MYH6: variants seen among roughly 807,000 people sequenced by gnomAD.
The protein encoded by MYH6 is myosin-6.
Under a neutral mutation model 223.2 loss-of-function variants are expected in MYH6, and 126 were observed. That is an observed-to-expected ratio of 0.56 (90% CI 0.49 to 0.65). MYH6 has a LOEUF of 0.65. Ranked by LOEUF, MYH6 falls within the 30% of genes least tolerant of loss-of-function variation. The pLI, the probability that MYH6 is intolerant of heterozygous loss-of-function variation, is 0.00. For synonymous variants in MYH6, 978 were observed against 1,010.2 expected (o/e 0.97, Z 0.61); for missense variants, 2,040 against 2,536.4 (o/e 0.80, Z 4.20).
At chr14:23,387,060 G>C (rs1275703479) in intron 32 of MYH6, among the ~76,000 whole-genome samples, 1 of 152,176 alleles carries the variant, frequency 6.6e-6, no homozygotes, top group Non-Finnish European at 1.5e-5. Flanking sequence ...TATATTAAGT[G>C]CTTAAATGTG....
chr14:23,389,112 A>C (rs1891144215), intron 28 of MYH6, 57 bp from the exon 29 acceptor site: 1 of 1,531,176 alleles, frequency 6.5e-7, no homozygotes, highest in African/African-American at 1.4e-5. Flanking sequence ...CCCATTCTCT[A>C]GATTCTCTTC....
chr14:23,393,597 A>G (rs1891303458), intron 22 of MYH6, 69 bp downstream of exon 22: 1 of 1,614,104 alleles, frequency 6.2e-7, no homozygotes, highest in Non-Finnish European at 8.5e-7. Flanking sequence ...CATGCCAAGG[A>G]CCAGGACAAC....
In MYH6 at chr14:23,393,366, G is replaced by A; in HGVS notation, c.3081C>T (p.Val1027=). 6.2e-7 allele frequency: 1 copy of A among 1,614,188 alleles called. No individual in the cohort carries two copies. The highest frequency in any genetic ancestry group is 8.5e-7 in the Non-Finnish European group (1 of 1,180,032). The change falls in exon 23 of 39, where the codon GTC becomes GTT. Residue 1027 remains valine (V), a synonymous_variant. Coordinates refer to ENST00000405093, the MANE Select transcript of MYH6 (RefSeq NM_002471.4). Reference sequence around the variant, plus strand: ...CATCATCCACCTGCTGCTCCAGCTTGACCTTAGACTTGGACAGGCTGTTGA... The same window carrying A: ...CATCATCCACCTGCTGCTCCAGCTTAACCTTAGACTTGGACAGGCTGTTGA... ...DKVNSLSKSK[V]KLEQQVDDLE...
At chr14:23,383,996 A>G (rs1890938367) in intron 36 of MYH6, among the ~76,000 whole-genome samples, 2 of 152,148 alleles carry the variant, frequency 1.3e-5, no homozygotes, top group Admixed American at 6.5e-5. Flanking sequence ...CCAAGGGCAC[A>G]GCTCTCAGCT....
chr14:23,403,652 GC>G, intron 9 of MYH6, 62 bp downstream of exon 9: 2 of 1,477,318 alleles, frequency 1.4e-6, no homozygotes, highest in East Asian at 2.3e-5. Context: ...GAGACTGGCC[GC>G]CAGGCAGGGA....
In MYH6 at chr14:23,405,640, G is replaced by T; in HGVS notation, c.332C>A (p.Ala111Asp). The T allele has an allele frequency of 6.2e-7, 1 of 1,614,164 alleles. No individual in the cohort carries two copies. Among genetic ancestry groups the T allele is most frequent in the Non-Finnish European group, 8.5e-7 (1 of 1,180,024 alleles). ...VLFNLKERYAAWMIYTYSGLF... is the reference protein window; with the variant it reads ...VLFNLKERYADWMIYTYSGLF... ...GGAGCCACTCACATATATCATCCAG[G>T]CCGCGTAGCGCTCCTTGAGGTTGAA... Residue 111 changes from alanine (A) to aspartate (D), a missense_variant, in exon 4 of 39, where the codon GCC becomes GAC. Ala to Asp is a moderately radical substitution (Grantham distance 126). Coordinates refer to ENST00000405093, the MANE Select transcript of MYH6 (RefSeq NM_002471.4). The surrounding 1 kb of genome is among the most constrained non-coding windows in gnomAD (Gnocchi z 4.7).
In MYH6 at chr14:23,407,166, C is replaced by G. The variant is rs987272353; in HGVS notation, c.58G>C (p.Glu20Gln). 3 of 1,614,276 alleles carry G rather than the reference C, an allele frequency of 1.9e-6. No homozygotes were observed. Among genetic ancestry groups the G allele is most frequent in the Non-Finnish European group, 2.5e-6 (3 of 1,180,052 alleles). Residue 20 changes from glutamate (E) to glutamine (Q), a missense_variant, in exon 3 of 39, where the codon GAG becomes CAG. Around this residue, in one of 4 missense-constraint regions of MYH6, gnomAD observed 184 missense variants for 232.4 expected, o/e 0.79. Transcript: ENST00000405093. The surrounding 1 kb of genome is among the most constrained non-coding windows in gnomAD (Gnocchi z 5.6). ...GTCTGGGCCTCTAGACGCTCCTTCT[C>G]TGACTTGCGGAGGTACTGGGCCGCT... ...GAAAQYLRKS[E>Q]KERLEAQTRP...
At chr14:23,389,359 A>T in intron 28 of MYH6, 34 bp downstream of exon 28, 1 of 1,608,442 alleles carries the variant, frequency 6.2e-7, no homozygotes, top group Non-Finnish European at 8.5e-7. Flanking sequence ...CAGGGCTGCC[A>T]TCAAGCCTGC....
intron 34 of MYH6, 91 bp from the exon 35 acceptor site, chr14:23,385,132 A>T (rs1595048322): frequency 1.4e-6 from 2 of 1,427,720 alleles, no homozygotes; most frequent in South Asian, 1.2e-5. Flanking sequence ...AAAGGTGGTC[A>T]TTTTTTTTTT....
In MYH6 at chr14:23,385,950, C is replaced by T. The variant is rs777682189; in HGVS notation, c.5141G>A (p.Arg1714Gln). ...CACCTGGGAATGCAGCAGCTGCACC[C>T]GCTCGCTGGTCTCAATCAGCTCCTG... Reference protein sequence around the residue: ...AEQELIETSERVQLLHSQNTS... With the variant: ...AEQELIETSEQVQLLHSQNTS... The change falls in exon 34 of 39, where the codon CGG (arginine) becomes CAG (glutamine). Residue 1714 changes from arginine (R) to glutamine (Q), a missense_variant. Transcript: ENST00000405093. 32 of 1,614,082 alleles carry T rather than the reference C, an allele frequency of 2.0e-5. No homozygotes were observed. The highest frequency in any genetic ancestry group is 1.3e-4 in the East Asian group (6 of 44,900).
intron 20 of MYH6, among the ~76,000 whole-genome samples, chr14:23,395,261 CTTTG>C (rs1215531259): frequency 6.6e-6 from 1 of 152,190 alleles, no homozygotes; most frequent in Non-Finnish European, 1.5e-5. Context: ...CAAGATTTGC[CTTTG>C]TTTACTAACA....
rs1891301013 is a variant in MYH6 at position 23,393,520 on chromosome 14, T to G, written c.2929-2A>C. On this transcript the variant is annotated splice_acceptor_variant, in intron 22 of 38. Coordinates refer to ENST00000405093, the MANE Select transcript of MYH6 (RefSeq NM_002471.4). LOFTEE classifies it high-confidence loss of function. ...CATCTCCTCTGTTAGGTTCTTCACC[T>G]GCCGACCAAAAACCCATCCCCTTTA... The G allele has an allele frequency of 6.2e-7, 1 of 1,613,946 alleles. No individual in the cohort carries two copies. The highest frequency in any genetic ancestry group is 8.5e-7 in the Non-Finnish European group (1 of 1,180,028).
At chr14:23,395,808 A>G (rs1223462990) in intron 20 of MYH6, among the ~76,000 whole-genome samples, 3 of 152,228 alleles carry the variant, frequency 2.0e-5, no homozygotes, top group Admixed American at 6.5e-5. Flanking sequence ...GATTTCAGGC[A>G]TGAGCCACCG....
chr14:23,403,473 A>C, intron 9 of MYH6, 27 bp from the exon 10 acceptor site: 1 of 1,586,584 alleles, frequency 6.3e-7, no homozygotes, highest in Non-Finnish European at 8.7e-7. Context: ...GGAGGAAGGC[A>C]GGTGAGGAAG....
At chr14:23,387,693 C>T (rs778855882) in intron 31 of MYH6, 40 bp from the exon 32 acceptor site, 46 of 1,613,990 alleles carry the variant, frequency 2.9e-5, no homozygotes, top group East Asian at 4.5e-5. Flanking sequence ...GCCTATGTTC[C>T]CCCTGCCCCT....
intron 12 of MYH6, among the ~76,000 whole-genome samples, chr14:23,401,350 G>A (rs1315904427): frequency 7.9e-5 from 12 of 152,188 alleles, no homozygotes; most frequent in Admixed American, 7.2e-4. Flanking sequence ...CCTGTCCTGG[G>A]GCCAAGACTT....
At chr14:23,393,308 C>T in intron 23 of MYH6, 34 bp downstream of exon 23, 1 of 1,613,966 alleles carries the variant, frequency 6.2e-7, no homozygotes, top group Non-Finnish European at 8.5e-7. Context: ...CAAAATCTTG[C>T]TCTGAGAGCA....
At chr14:23,401,085 C>G in intron 12 of MYH6, 108 bp from the exon 13 acceptor site, 2 of 1,507,410 alleles carry the variant, frequency 1.3e-6, no homozygotes, top group Non-Finnish European at 1.8e-6. Flanking sequence ...TGGCTCACTA[C>G]AGCCTCCACC....
At position 23,400,348 on chromosome 14, in the gene MYH6, G is replaced by A; in HGVS notation, c.1489C>T (p.Leu497=). Residue 497 remains leucine, a synonymous_variant, in exon 14 of 39, where the codon CTG becomes TTG. Coordinates refer to ENST00000405093, the MANE Select transcript of MYH6 (RefSeq NM_002471.4). ...TCCTTCTTGTACTCCTCCTGCTCCA[G>A]CACGAACATGTGGTGGTTGAAGAAC... ...QQFFNHHMFV[L]EQEEYKKEGI... 1 of 1,614,226 alleles carries A rather than the reference G, an allele frequency of 6.2e-7. No individual in the cohort carries two copies. The highest frequency in any genetic ancestry group is 8.5e-7 in the Non-Finnish European group (1 of 1,180,048).
Sources: allele counts gnomAD v4.1 joint callset (sites outside exome capture counted in the v4.1 genomes callset), GRCh38; gene constraint gnomAD v4.1.1; regional missense constraint gnomAD v4.1.1; non-coding constraint Gnocchi (gnomAD v3.1); transcripts MANE v1.5; gene names NCBI Gene and HGNC (gene_info 2026-07-23, HGNC 2026-07-21).